WDR19: variants seen among roughly 807,000 people sequenced by gnomAD.
WDR19 encodes the protein WD repeat domain 19.
WDR19 carries 121 observed loss-of-function variants against 180.0 expected under a neutral mutation model. The observed-to-expected ratio is 0.67, with a 90% CI of 0.58 to 0.78. The LOEUF (loss-of-function observed/expected upper bound fraction) is 0.78. Ranked by LOEUF, WDR19 falls within the 30% of genes least tolerant of loss-of-function variation. WDR19 has a pLI of 0.00. For missense variants in WDR19, 1,450 were observed against 1,640.7 expected (o/e 0.88, Z 2.01); for synonymous variants, 497 against 540.7 (o/e 0.92, Z 1.12).
intron 36 of WDR19, among the ~76,000 whole-genome samples, chr4:39,284,501 G>A (rs1736946816): frequency 6.8e-6 from 1 of 146,906 alleles, no homozygotes; most frequent in Admixed American, 6.7e-5. Context: ...ACCATACCCA[G>A]CTTTTTTTTT....
Position 39,278,149 on chromosome 4 carries a change from G to T in WDR19, c.3859G>T (p.Asp1287Tyr). ...CIATGRHMLK[D>Y]DWTVCPHCDF... ...TTTCCAGGGTCGACACATGTTGAAAGATGACTGGACGGTGTGTCCACATTG... is the reference window on the plus strand; with the variant it reads ...TTTCCAGGGTCGACACATGTTGAAATATGACTGGACGGTGTGTCCACATTG... The change falls in exon 35 of 37, where the codon GAT (aspartate) becomes TAT (tyrosine). Residue 1287 changes from aspartate (D) to tyrosine (Y), a missense_variant. Coordinates refer to ENST00000399820, the MANE Select transcript of WDR19 (RefSeq NM_025132.4). 1 of 1,605,800 alleles carries T rather than the reference G, an allele frequency of 6.2e-7. No homozygotes were observed. Among genetic ancestry groups the T allele is most frequent in the Non-Finnish European group, 8.5e-7 (1 of 1,176,152 alleles).
intron 33 of WDR19, 122 bp from the exon 34 acceptor site, chr4:39,276,898 C>G (rs1278316560): frequency 3.2e-6 from 4 of 1,252,572 alleles, no homozygotes; most frequent in Non-Finnish European, 4.5e-6. Context: ...CTCTCTAAGC[C>G]CAGAGTCTGA....
Position 39,205,678 on chromosome 4 carries a change from CTAA to C in WDR19, c.833_835del (p.Leu278_Thr279delinsPro). 6.2e-7 allele frequency: 1 copy of C among 1,611,456 alleles called. No homozygotes were observed. The highest frequency in any genetic ancestry group is 8.5e-7 in the Non-Finnish European group (1 of 1,178,666). ...TCAGGCTCGTAACCATAAAGATAAT[CTAA>C]CCAGCATTGCAGTATCACAGACTCT... On this transcript the variant is annotated inframe_deletion, in exon 9 of 37. Coordinates refer to ENST00000399820, the MANE Select transcript of WDR19 (RefSeq NM_025132.4).
In WDR19 at chr4:39,228,544, G is replaced by C. The variant is rs377428033; in HGVS notation, c.1836G>C (p.Leu612=). ...TTCCTTTTGCTCATAAACCTTTGCT[G>C]CTATATAATGGAGAGCTGACCTGCC... ...TKVPFAHKPL[L]LYNGELTCQT... Residue 612 remains leucine (L), a synonymous_variant, in exon 17 of 37, where the codon CTG becomes CTC. Transcript: ENST00000399820. 6.2e-7 allele frequency: 1 copy of C among 1,613,918 alleles called. No individual in the cohort carries two copies. The highest frequency in any genetic ancestry group is 8.5e-7 in the Non-Finnish European group (1 of 1,179,836).
intron 28 of WDR19, among the ~76,000 whole-genome samples, chr4:39,258,184 G>A (rs12642163): frequency 0.083 from 12,608 of 151,278 alleles, 659 homozygotes; most frequent in East Asian, 0.2. Context: ...ACAGAGTTTC[G>A]CTCTTTTGCC....
rs756543710 is a variant in WDR19, at chr4:39,228,641, G to A, written c.1933G>A (p.Gly645Arg). The A allele has an allele frequency of 6.2e-7, 1 of 1,611,642 alleles. No individual in the cohort carries two copies. Among genetic ancestry groups the A allele is most frequent in the Non-Finnish European group, 8.5e-7 (1 of 1,178,856 alleles). ...HGFLSNLKDTGPDELRPMLAQ... is the reference protein window; with the variant it reads ...HGFLSNLKDTRPDELRPMLAQ... ...CTTTCTCAGCAACTTAAAAGATACG[G>A]GGCCTGACGAACTGAGACCAATGCT... Residue 645 changes from glycine to arginine, a missense_variant, in exon 17 of 37, where the codon GGG becomes AGG. Coordinates refer to ENST00000399820, the MANE Select transcript of WDR19 (RefSeq NM_025132.4).
At chr4:39,226,205 G>A (rs1363422663) in intron 15 of WDR19, among the ~76,000 whole-genome samples, 2 of 152,204 alleles carry the variant, frequency 1.3e-5, no homozygotes, top group Non-Finnish European at 1.5e-5. Context: ...CAGAAATAGG[G>A]TGTAGCTGCT....
intron 16 of WDR19, 52 bp from the exon 17 acceptor site, chr4:39,228,434 G>A (rs2109358146): frequency 6.2e-7 from 1 of 1,604,390 alleles, no homozygotes; most frequent in Non-Finnish European, 8.5e-7. Flanking sequence ...TCTTTCTGAT[G>A]TTTGTGCTGA....
chr4:39,210,481 G>A (rs930647748), intron 9 of WDR19, among the ~76,000 whole-genome samples: 2 of 152,208 alleles, frequency 1.3e-5, no homozygotes, highest in East Asian at 1.9e-4. Context: ...CTAGGAGTTC[G>A]AGACCAGCCT....
At chr4:39,274,309 T>C (rs1269544182) in intron 32 of WDR19, 1 of 158,342 alleles carries the variant, frequency 6.3e-6, no homozygotes, top group East Asian at 1.8e-4. Context: ...CTCTCATGAC[T>C]GCTGGTGGGG....
intron 24 of WDR19, among the ~76,000 whole-genome samples, chr4:39,251,912 A>C (rs1394900380): frequency 1.3e-5 from 2 of 152,216 alleles, no homozygotes; most frequent in Non-Finnish European, 2.9e-5. Flanking sequence ...TGTTGGTGGG[A>C]CTGTAAACTA....
chr4:39,253,107 CA>C, intron 24 of WDR19, 38 bp from the exon 25 acceptor site: 2 of 1,529,890 alleles, frequency 1.3e-6, no homozygotes, highest in African/African-American at 2.8e-5. Flanking sequence ...CCCAAATTGA[CA>C]GTGTTAAAAA....
At chr4:39,254,167 A>G (rs1283222991) in intron 26 of WDR19, 137 bp downstream of exon 26, 2 of 749,448 alleles carry the variant, frequency 2.7e-6, no homozygotes, top group Non-Finnish European at 1.9e-6. Flanking sequence ...ACATAGACAC[A>G]CATGTATCTA....
At chr4:39,268,825 A>T (rs1735060513) in intron 30 of WDR19, among the ~76,000 whole-genome samples, 1 of 152,086 alleles carries the variant, frequency 6.6e-6, no homozygotes, top group African/African-American at 2.4e-5. Context: ...GTAAATTCAG[A>T]GTTGGACGGG....
chr4:39,267,872 T>G, intron 29 of WDR19, 123 bp from the exon 30 acceptor site: 1 of 872,060 alleles, frequency 1.1e-6, no homozygotes. Flanking sequence ...ATTCATTGAG[T>G]TTTTAAAGCA....
intron 21 of WDR19, among the ~76,000 whole-genome samples, chr4:39,242,772 A>T (rs1484088366): frequency 2.0e-5 from 3 of 152,144 alleles, no homozygotes; most frequent in African/African-American, 7.2e-5. Context: ...GGTTCAAGTG[A>T]TTCTCGTACC....
At chr4:39,219,875 G>T (rs367803664) in intron 14 of WDR19, among the ~76,000 whole-genome samples, 1 of 152,030 alleles carries the variant, frequency 6.6e-6, no homozygotes, top group East Asian at 1.9e-4. Flanking sequence ...CTGTTACCTT[G>T]TTCAGTCTGT....
intron 14 of WDR19, among the ~76,000 whole-genome samples, chr4:39,220,062 A>C (rs773916661): frequency 6.6e-5 from 10 of 151,978 alleles, no homozygotes; most frequent in Non-Finnish European, 8.8e-5. Context: ...TCTAATAAAA[A>C]TACAAAAAAA....
intron 26 of WDR19, among the ~76,000 whole-genome samples, chr4:39,255,031 A>C (rs778937571): frequency 5.9e-5 from 9 of 152,204 alleles, no homozygotes; most frequent in Non-Finnish European, 1.2e-4. Context: ...TTCCCAAATG[A>C]CTTCTTGCAA....
Sources: gnomAD v4.1 joint callset for allele counts (sites outside exome capture counted in the v4.1 genomes callset) on GRCh38, gnomAD v4.1.1 for gene constraint, MANE v1.5 for transcripts, NCBI Gene and HGNC (gene_info 2026-07-23, HGNC 2026-07-21) for gene names.